Variants in NCOR2 observed in about 807,000 individuals in gnomAD.
NCOR2 encodes the protein CTG repeat protein 26.
A neutral mutation model predicts 262.9 loss-of-function variants in NCOR2; 81 were observed. The ratio of observed to expected loss-of-function variants is 0.31; its 90% CI spans 0.26 to 0.37. The LOEUF is 0.37. Ranked by LOEUF, NCOR2 falls within the 10% of genes least tolerant of loss-of-function variation. The pLI, the probability that NCOR2 is intolerant of heterozygous loss-of-function variation, is 1.00. For synonymous variants in NCOR2, 1,659 were observed against 1,559.3 expected (o/e 1.06, Z -1.51); for missense variants, 3,385 against 3,621.4 (o/e 0.93, Z 1.68).
chr12:124,329,639 G>A (rs151088912), intron 44 of NCOR2, among the ~76,000 whole-genome samples: 1 of 152,254 alleles, frequency 6.6e-6, no homozygotes, highest in East Asian at 1.9e-4. Context: ...CTGCTCAGGA[G>A]GCTGAGAGGT....
At chr12:124,467,216 GTCATCCTCATCACCCCCCTCATCT>G in intron 4 of NCOR2, among the ~76,000 whole-genome samples, 1 of 96,688 alleles carries the variant, frequency 1.0e-5, no homozygotes. Context: ...CCTCATCACT[GTCATCCTCATCACCCCCCTCATCT>G]TCATCCCCAT....
At chr12:124,455,327 G>C (rs561153743) in intron 6 of NCOR2, among the ~76,000 whole-genome samples, 1 of 152,344 alleles carries the variant, frequency 6.6e-6, no homozygotes, top group East Asian at 1.9e-4. Context: ...CACTTCCACT[G>C]AGAGAAGCAC....
At chr12:124,370,202 A>G (rs2136014483) in intron 20 of NCOR2, among the ~76,000 whole-genome samples, 1 of 152,284 alleles carries the variant, frequency 6.6e-6, no homozygotes, top group East Asian at 1.9e-4. Context: ...TCGGGCAAGA[A>G]GCTCAGGGAT....
rs563123110 is a variant in NCOR2 at position 124,432,653 on chromosome 12, T to A, written c.883-1866A>T. Among the ~76,000 whole-genome samples the A allele has an allele frequency of 5.3e-5, 8 of 152,208 alleles. No homozygotes were observed. In the East Asian group the frequency reaches 1.5e-3, roughly 29 times the overall value. ...AACCACATTCCAAGCAGTTCCTCATTCCCCAGCCTCACCCCAAGGACCAGC... is the reference window on the plus strand; with the variant it reads ...AACCACATTCCAAGCAGTTCCTCATACCCCAGCCTCACCCCAAGGACCAGC... On this transcript the variant is annotated intron_variant, in intron 8 of 46. Transcript: ENST00000405201. The surrounding 1 kb of genome is among the most constrained non-coding windows in gnomAD (Gnocchi z 5.1).
intron 1 of NCOR2, among the ~76,000 whole-genome samples, chr12:124,518,756 G>A (rs549218922): frequency 1.2e-4 from 19 of 152,328 alleles, no homozygotes; most frequent in Admixed American, 4.6e-4. Flanking sequence ...CTCTTCGCTC[G>A]CTGGCAGGCG....
chr12:124,402,318 C>G (rs1248622570), intron 14 of NCOR2, 86 bp downstream of exon 16: 1 of 1,573,326 alleles, frequency 6.4e-7, no homozygotes, highest in African/African-American at 1.3e-5. Flanking sequence ...GCACCCCACC[C>G]GTCTCTACAA....
exon 47 of NCOR2, chr12:124,325,463 C>A: frequency 7.3e-7 from 1 of 1,362,924 alleles, no homozygotes. Flanking sequence ...CTCCTCGTCC[C>A]AGGCGTGGTG....
chr12:124,372,727 C>T (rs2039598616), intron 19 of NCOR2, 117 bp from the exon 22 acceptor site: 3 of 929,054 alleles, frequency 3.2e-6, no homozygotes, highest in Non-Finnish European at 4.8e-6. Context: ...AAAACAGCCC[C>T]GAGGCTCCTA....
At chr12:124,452,978 C>G (rs1238974026) in intron 6 of NCOR2, among the ~76,000 whole-genome samples, 1 of 152,164 alleles carries the variant, frequency 6.6e-6, no homozygotes, top group African/African-American at 2.4e-5. Flanking sequence ...CCCAGGAGCC[C>G]AGGGGAGGCT....
At chr12:124,501,058 GCGCGCACACACA>G (rs1384481546) in intron 1 of NCOR2, among the ~76,000 whole-genome samples, 136 of 66,258 alleles carry the variant, frequency 2.1e-3, no homozygotes, top group African/African-American at 6.9e-3. Flanking sequence ...GCGCGCGCAC[GCGCGCACACACA>G]CACACACACA....
Position 124,356,705 on chromosome 12 carries a change from G to T in NCOR2, c.3178C>A (p.Arg1060Ser). ...TGCGGGGAGGCCTTGATCACCTCAC[G>T]GGGGGGCACGGGGAAGGGCAGGCCG... Residue 1060 changes from arginine (R) to serine (S), a missense_variant, in exon 23 of 47, where the codon CGT becomes AGT. Transcript: ENST00000405201. 6.7e-7 allele frequency: 1 copy of T among 1,491,780 alleles called. No individual in the cohort carries two copies. Among genetic ancestry groups the T allele is most frequent in the Non-Finnish European group, 8.8e-7 (1 of 1,130,496 alleles). 92.4% of individuals were successfully genotyped at this position (1,491,780 alleles called of 1,614,324 possible). A position where few individuals can be genotyped will look rare whatever the true frequency, so the allele number is the denominator to read the frequency against.
intron 5 of NCOR2, among the ~76,000 whole-genome samples, chr12:124,458,055 G>A (rs1280633051): frequency 6.6e-6 from 1 of 152,244 alleles, no homozygotes; most frequent in Non-Finnish European, 1.5e-5. Context: ...GCAAATGGGT[G>A]TTCACAGGCT....
At chr12:124,417,561 G>T in intron 13 of NCOR2, among the ~76,000 whole-genome samples, 1 of 152,166 alleles carries the variant, frequency 6.6e-6, no homozygotes, top group East Asian at 1.9e-4. Context: ...GGGAAGGCCA[G>T]CAAGAGAATG....
At chr12:124,472,296 C>T (rs755007200) in intron 4 of NCOR2, among the ~76,000 whole-genome samples, 7 of 152,134 alleles carry the variant, frequency 4.6e-5, no homozygotes, top group East Asian at 3.8e-4. Context: ...GCTTTTTCTC[C>T]GCTTGTCTTT....
At chr12:124,500,677 C>T (rs985287332) in intron 1 of NCOR2, among the ~76,000 whole-genome samples, 6 of 152,136 alleles carry the variant, frequency 3.9e-5, no homozygotes, top group Middle Eastern at 3.2e-3. Context: ...TTCCGGGAGG[C>T]CCTGGAAGCT....
At chr12:124,522,875 G>A (rs1043351374) in intron 1 of NCOR2, among the ~76,000 whole-genome samples, 4 of 152,310 alleles carry the variant, frequency 2.6e-5, no homozygotes, top group South Asian at 2.1e-4. Flanking sequence ...CACCCTCTCC[G>A]GCCTGAGCCT....
At chr12:124,342,946 T>G in intron 33 of NCOR2, 59 bp downstream of exon 35, 4 of 1,571,604 alleles carry the variant, frequency 2.5e-6, no homozygotes, top group African/African-American at 1.4e-5. Context: ...CGAACACTGA[T>G]GAGGTCCGTG....
At chr12:124,422,876 C>CG (rs1253517677) in intron 11 of NCOR2, among the ~76,000 whole-genome samples, 1 of 152,238 alleles carries the variant, frequency 6.6e-6, no homozygotes, top group Non-Finnish European at 1.5e-5. Flanking sequence ...GGTTCCCCCC[C>CG]CTTTAAAATC....
intron 35 of NCOR2, 35 bp downstream of exon 37, chr12:124,340,567 C>CG: frequency 1.3e-6 from 2 of 1,514,326 alleles, no homozygotes; most frequent in South Asian, 1.3e-5. Context: ...CCATGGATGC[C>CG]GGGGTCCCCA....
Sources: allele counts gnomAD v4.1 joint callset (sites outside exome capture counted in the v4.1 genomes callset), GRCh38; gene constraint gnomAD v4.1.1; non-coding constraint Gnocchi (gnomAD v3.1); transcripts MANE v1.5; gene names NCBI Gene and HGNC (gene_info 2026-07-23, HGNC 2026-07-21).